Variants in MAP3K20 observed in about 807,000 individuals in gnomAD.
MAP3K20 encodes the protein mitogen-activated protein kinase kinase kinase 20.
A neutral mutation model predicts 85.7 loss-of-function variants in MAP3K20; 40 were observed. That is an observed-to-expected ratio of 0.47 (90% confidence interval 0.36 to 0.61). The LOEUF (loss-of-function observed/expected upper bound fraction) is 0.61, where lower values mean the gene tolerates loss of function less well. Ranked by LOEUF, MAP3K20 falls within the 20% of genes least tolerant of loss-of-function variation. The pLI is 0.00. For synonymous variants in MAP3K20, 325 were observed against 327.7 expected (o/e 0.99, Z 0.09); for missense variants, 817 against 961.7 (o/e 0.85, Z 1.99).
chr2:173,182,934 T>G lies in MAP3K20; in HGVS notation c.328T>G (p.Trp110Gly), dbSNP rs543431912. 9.9e-6 allele frequency: 16 copies of G among 1,609,894 alleles called. No individual in the cohort carries two copies. The South Asian group carries it at 1.7e-4, about 17-fold the overall frequency. ...GATGGATATGGATCACATTATGACCTGGGCCACTGATGTAGCCAAAGGTAA... is the reference window on the plus strand; with the variant it reads ...GATGGATATGGATCACATTATGACCGGGGCCACTGATGTAGCCAAAGGTAA... ...EEMDMDHIMT[W>G]ATDVAKGMHY... Residue 110 changes from tryptophan to glycine, a missense_variant, in exon 4 of 20, where the codon TGG (tryptophan) becomes GGG (glycine). Physicochemically the swap from Trp to Gly is radical, Grantham distance 184 (BLOSUM62 -2). Coordinates refer to ENST00000375213, the MANE Select transcript of MAP3K20 (RefSeq NM_016653.3).
intron 2 of MAP3K20, among the ~76,000 whole-genome samples, chr2:173,143,609 G>C (rs1016134597): frequency 6.6e-6 from 1 of 152,174 alleles, no homozygotes. Flanking sequence ...CCTAAGATTA[G>C]GAGTAAGACA....
At chr2:173,232,063 T>G (rs1414940032) in intron 12 of MAP3K20, 129 bp from the exon 13 acceptor site, 3 of 1,143,608 alleles carry the variant, frequency 2.6e-6, no homozygotes, top group Non-Finnish European at 3.8e-6. Context: ...GAAAGTCTTC[T>G]ATTTTACCTT....
At chr2:173,158,307 G>A (rs1689542017) in intron 2 of MAP3K20, among the ~76,000 whole-genome samples, 2 of 152,258 alleles carry the variant, frequency 1.3e-5, no homozygotes, top group South Asian at 2.1e-4. Flanking sequence ...TGTTTAGAAG[G>A]ACCTATGATT....
intron 2 of MAP3K20, among the ~76,000 whole-genome samples, chr2:173,092,452 G>A (rs1344101102): frequency 2.0e-5 from 3 of 152,140 alleles, no homozygotes; most frequent in African/African-American, 7.2e-5. Context: ...TTTATAGGAA[G>A]CATTATTGTC....
At chr2:173,187,680 T>C in intron 5 of MAP3K20, 57 bp downstream of exon 5, 1 of 1,446,600 alleles carries the variant, frequency 6.9e-7, no homozygotes, top group Non-Finnish European at 9.5e-7. Flanking sequence ...TACACTTGCA[T>C]GTAGAAATGA....
chr2:173,091,704 T>C (rs1400038353), intron 2 of MAP3K20, among the ~76,000 whole-genome samples: 1 of 152,192 alleles, frequency 6.6e-6, no homozygotes, highest in Non-Finnish European at 1.5e-5. Context: ...GTCTTTGTAT[T>C]ATATAGAATT....
chr2:173,171,221 C>G (rs1689990298), intron 3 of MAP3K20, among the ~76,000 whole-genome samples: 1 of 152,192 alleles, frequency 6.6e-6, no homozygotes, highest in Non-Finnish European at 1.5e-5. Context: ...AAACCTTTCT[C>G]TGACCCATAT....
At chr2:173,090,852 A>G in intron 1 of MAP3K20, 146 bp from the exon 2 acceptor site, 1 of 1,348,962 alleles carries the variant, frequency 7.4e-7, no homozygotes, top group African/African-American at 1.5e-5. Context: ...CGAATTGTTT[A>G]TAATCTTGCT....
In MAP3K20 at chr2:173,159,399, C is replaced by CT. The variant is rs1418480038; in HGVS notation, c.160-10404dup. 3.0e-4 allele frequency among the ~76,000 whole-genome samples: 18 copies of CT among 60,928 alleles called. 1 individual carries two copies. In the East Asian group the frequency reaches 4.8e-3, roughly 16 times the overall value. The allele number at this position is 60,928 out of a possible 152,430, so 40.0% of individuals were successfully genotyped here. A position where few individuals can be genotyped will look rare whatever the true frequency, so the allele number is the denominator to read the frequency against. On this transcript the variant is annotated intron_variant, in intron 2 of 19. Transcript: ENST00000375213. ...TCCTTTTCTTTTCTTTCCTTCCTTC[C>CT]TTCTTTTTTTTTTTTCCTGGATCTT...
chr2:173,157,798 T>C (rs1286320853), intron 2 of MAP3K20, among the ~76,000 whole-genome samples: 1 of 152,206 alleles, frequency 6.6e-6, no homozygotes, highest in Non-Finnish European at 1.5e-5. Flanking sequence ...TAGATCTTGG[T>C]TCTTGACCTG....
intron 2 of MAP3K20, among the ~76,000 whole-genome samples, chr2:173,128,363 C>T (rs141746012): frequency 4.5e-4 from 67 of 148,320 alleles, no homozygotes; most frequent in Admixed American, 2.0e-3. Context: ...GATAGAGTCT[C>T]GCTCTGTTGC....
intron 4 of MAP3K20, among the ~76,000 whole-genome samples, chr2:173,185,473 A>G (rs1399960567): frequency 1.3e-5 from 2 of 152,144 alleles, no homozygotes; most frequent in Non-Finnish European, 2.9e-5. Flanking sequence ...GAATGACTTC[A>G]GCTTTCTCTG....
chr2:173,121,187 A>G (rs888664216), intron 2 of MAP3K20, among the ~76,000 whole-genome samples: 1 of 152,088 alleles, frequency 6.6e-6, no homozygotes, highest in Admixed American at 6.5e-5. Context: ...ACACATTTCT[A>G]TTAGGTGAGC....
chr2:173,248,679 G>A (rs1236441760), intron 16 of MAP3K20, among the ~76,000 whole-genome samples: 2 of 152,118 alleles, frequency 1.3e-5, no homozygotes, highest in Admixed American at 1.3e-4. Flanking sequence ...GAAAGCCCTG[G>A]TTTGTAGCAT....
intron 2 of MAP3K20, among the ~76,000 whole-genome samples, chr2:173,138,930 G>A (rs1305188099): frequency 1.3e-5 from 2 of 152,196 alleles, no homozygotes; most frequent in African/African-American, 2.4e-5. Context: ...TTCAGACACT[G>A]CGAATTCTGT....
intron 19 of MAP3K20, 106 bp from the exon 20 acceptor site, chr2:173,265,944 G>A: frequency 8.5e-7 from 1 of 1,170,152 alleles, no homozygotes. Context: ...GAATGGTAAA[G>A]CTTAGAGCAT....
intron 3 of MAP3K20, among the ~76,000 whole-genome samples, chr2:173,173,887 T>C (rs1162030341): frequency 1.3e-5 from 2 of 152,132 alleles, no homozygotes; most frequent in Non-Finnish European, 2.9e-5. Context: ...AATCATCTTA[T>C]AAATGAAAAG....
chr2:173,169,496 G>C (rs147275021), intron 2 of MAP3K20, among the ~76,000 whole-genome samples: 3,274 of 152,088 alleles, frequency 0.022, 61 homozygotes, highest in South Asian at 0.046. Context: ...CAAGGTGGGA[G>C]GATTGCTTGA....
intron 2 of MAP3K20, among the ~76,000 whole-genome samples, chr2:173,110,424 A>T (rs1004215412): frequency 6.7e-6 from 1 of 150,048 alleles, no homozygotes; most frequent in Non-Finnish European, 1.5e-5. Context: ...TGGCTAATTA[A>T]AAAAAATTTT....
Sources: gnomAD v4.1 joint callset for allele counts (sites outside exome capture counted in the v4.1 genomes callset) on GRCh38, gnomAD v4.1.1 for gene constraint, MANE v1.5 for transcripts, NCBI Gene and HGNC (gene_info 2026-07-23, HGNC 2026-07-21) for gene names.